The following MACROD2 variants were observed in gnomAD, a reference collection of about 807,000 sequenced individuals.
MACROD2 encodes ADP-ribose glycohydrolase MACROD2.
Under a neutral mutation model 70.4 loss-of-function variants are expected in MACROD2, and 36 were observed. The ratio of observed to expected loss-of-function variants is 0.51; its 90% CI spans 0.39 to 0.68. MACROD2 has a LOEUF of 0.68. Among genes scored for constraint, MACROD2 ranks in the 30% least tolerant of loss-of-function variants. The probability of loss-of-function intolerance (pLI) is 0.00; values close to 1 mark genes in which losing one functional copy is unlikely to be tolerated. For synonymous variants in MACROD2, 172 were observed against 178.8 expected (o/e 0.96, Z 0.30); for missense variants, 496 against 538.4 (o/e 0.92, Z 0.78).
chr20:14,410,597 A>T, intron 3 of MACROD2, among the ~76,000 whole-genome samples: 1 of 152,080 alleles, frequency 6.6e-6, no homozygotes. Context: ...TGTACTCAGA[A>T]TTTGTACTTC....
intron 15 of MACROD2, among the ~76,000 whole-genome samples, chr20:16,036,279 T>TA (rs202149540): frequency 9.4e-3 from 568 of 60,250 alleles, no homozygotes; most frequent in African/African-American, 0.019. Context: ...CTTGGAGGAC[T>TA]CCTCCCCCGG....
chr20:15,842,815 G>A (rs957746311), intron 8 of MACROD2, among the ~76,000 whole-genome samples: 1 of 151,994 alleles, frequency 6.6e-6, no homozygotes, highest in Non-Finnish European at 1.5e-5. Context: ...TATAAGGCAC[G>A]TAACACTTTA....
Position 13,995,712 on chromosome 20 carries a change from G to A in MACROD2, c.-52G>A. ...CTCCCACTCCACACACACCCTGTTT[G>A]CCCGTGAGCCTGGGGAACTTGCAGC... On this transcript the variant is annotated 5_prime_UTR_variant, in exon 1 of 18. Transcript: ENST00000684519. This position sits in a 1 kb window ranked among gnomAD's most constrained non-coding sequence, Gnocchi z 4.3. 1.4e-6 allele frequency: 1 copy of A among 711,660 alleles called. No homozygotes were observed. Among genetic ancestry groups the A allele is most frequent in the Non-Finnish European group, 2.3e-6 (1 of 427,334 alleles). The allele number at this position is 711,660 out of a possible 1,614,324, so 44.1% of individuals were successfully genotyped here. A position where few individuals can be genotyped will look rare whatever the true frequency, so the allele number is the denominator to read the frequency against.
intron 10 of MACROD2, among the ~76,000 whole-genome samples, chr20:15,915,485 C>G (rs1448058366): frequency 6.6e-6 from 1 of 152,168 alleles, no homozygotes; most frequent in Non-Finnish European, 1.5e-5. Context: ...AGGAAGTTCT[C>G]AATAAATGGA....
chr20:15,879,642 A>C (rs532961824), intron 9 of MACROD2, among the ~76,000 whole-genome samples: 14 of 152,320 alleles, frequency 9.2e-5, no homozygotes, highest in African/African-American at 3.4e-4. Flanking sequence ...AATTTTTCAA[A>C]AAAAGTTTGA....
At chr20:14,852,146 G>A (rs2073205757) in intron 5 of MACROD2, among the ~76,000 whole-genome samples, 1 of 152,106 alleles carries the variant, frequency 6.6e-6, no homozygotes, top group South Asian at 2.1e-4. Context: ...GCAGGCGGGA[G>A]GAGGAAGCGC....
At chr20:15,779,512 C>T (rs2051793129) in intron 8 of MACROD2, among the ~76,000 whole-genome samples, 1 of 152,070 alleles carries the variant, frequency 6.6e-6, no homozygotes, top group African/African-American at 2.4e-5. Flanking sequence ...CAAGTAGCAG[C>T]AGGAAAAGAG....
intron 5 of MACROD2, among the ~76,000 whole-genome samples, chr20:15,109,206 A>G (rs2075935516): frequency 6.6e-6 from 1 of 152,220 alleles, no homozygotes. Context: ...GGCACTTGAC[A>G]TAGAACATAC....
intron 3 of MACROD2, among the ~76,000 whole-genome samples, chr20:14,272,173 A>G (rs1160879380): frequency 1.3e-5 from 2 of 152,102 alleles, no homozygotes; most frequent in African/African-American, 2.4e-5. Flanking sequence ...GAGAAGAGCA[A>G]CTCCAAGAAA....
chr20:15,953,187 T>C (rs190934062), intron 12 of MACROD2, among the ~76,000 whole-genome samples: 7 of 152,142 alleles, frequency 4.6e-5, no homozygotes, highest in African/African-American at 1.4e-4. Flanking sequence ...AAAAAGTAGT[T>C]CAGGATACTA....
intron 3 of MACROD2, among the ~76,000 whole-genome samples, chr20:14,198,559 G>A (rs933889762): frequency 6.6e-6 from 1 of 152,094 alleles, no homozygotes; most frequent in Non-Finnish European, 1.5e-5. Context: ...AAAAGAAATA[G>A]ACCTTTTCCA....
intron 4 of MACROD2, among the ~76,000 whole-genome samples, chr20:14,648,380 G>A (rs576995081): frequency 2.6e-5 from 4 of 152,210 alleles, no homozygotes; most frequent in African/African-American, 9.6e-5. Context: ...AAGTACCCAG[G>A]TGACATTGAA....
intron 8 of MACROD2, among the ~76,000 whole-genome samples, chr20:15,636,076 GAAAA>G (rs57402806): frequency 4.7e-5 from 4 of 85,830 alleles, no homozygotes; most frequent in Non-Finnish European, 6.7e-5. Flanking sequence ...CCTCTCAAAA[GAAAA>G]AAAAAAAAAA....
intron 8 of MACROD2, among the ~76,000 whole-genome samples, chr20:15,687,051 A>T (rs1029109777): frequency 3.4e-5 from 5 of 149,078 alleles, no homozygotes; most frequent in African/African-American, 1.2e-4. Flanking sequence ...GCAAAAGAAA[A>T]TCTAACCAAC....
At chr20:16,020,953 A>C (rs1475472974) in intron 15 of MACROD2, among the ~76,000 whole-genome samples, 1 of 152,228 alleles carries the variant, frequency 6.6e-6, no homozygotes, top group Admixed American at 6.5e-5. Context: ...ATCAAATTAC[A>C]TTGTTTAGAA....
chr20:15,392,675 C>A (rs2045809170), intron 6 of MACROD2, among the ~76,000 whole-genome samples: 1 of 151,750 alleles, frequency 6.6e-6, no homozygotes. Flanking sequence ...TTCTTCCTTC[C>A]CTCTATTTCT....
At chr20:14,985,580 G>A (rs1029044973) in intron 5 of MACROD2, among the ~76,000 whole-genome samples, 1 of 152,060 alleles carries the variant, frequency 6.6e-6, no homozygotes, top group Admixed American at 6.5e-5. Flanking sequence ...AAACTTGTCA[G>A]GGCTCAGCTG....
intron 5 of MACROD2, among the ~76,000 whole-genome samples, chr20:15,183,541 GGATA>G (rs1383002597): frequency 6.6e-6 from 1 of 151,782 alleles, no homozygotes; most frequent in Non-Finnish European, 1.5e-5. Flanking sequence ...TATTGCACTC[GGATA>G]GTTATTCTGG....
intron 3 of MACROD2, among the ~76,000 whole-genome samples, chr20:14,363,544 G>C (rs2083242974): frequency 6.6e-6 from 1 of 152,134 alleles, no homozygotes; most frequent in Non-Finnish European, 1.5e-5. Flanking sequence ...TTAGGGGCCG[G>C]GCGCGGTGGC....
Sources: allele counts gnomAD v4.1 joint callset (sites outside exome capture counted in the v4.1 genomes callset), GRCh38; gene constraint gnomAD v4.1.1; non-coding constraint Gnocchi (gnomAD v3.1); transcripts MANE v1.5; gene names NCBI Gene and HGNC (gene_info 2026-07-23, HGNC 2026-07-21).